The following EP300 variants were observed in gnomAD, a reference collection of about 807,000 sequenced individuals.
EP300 encodes the protein histone acetyltransferase p300.
Under a neutral mutation model 264.0 loss-of-function variants are expected in EP300, and 31 were observed. The ratio of observed to expected loss-of-function variants is 0.12; its 90% CI spans 0.09 to 0.16. EP300 has a LOEUF of 0.16. Ranked by LOEUF, EP300 falls within the 10% of genes least tolerant of loss-of-function variation. EP300 has a pLI of 1.00. For synonymous variants in EP300, 1,340 were observed against 1,045.4 expected, an observed-to-expected ratio of 1.28 and a Z score of -5.44; for missense variants, 2,766 against 3,052.9, an observed-to-expected ratio of 0.91 and a Z score of 2.21.
At chr22:41,138,779 G>A (rs1303313109) in intron 8 of EP300, among the ~76,000 whole-genome samples, 1 of 152,034 alleles carries the variant, frequency 6.6e-6, no homozygotes, top group Non-Finnish European at 1.5e-5. Context: ...TAATAGCAGG[G>A]TCGTCTTTAC....
chr22:41,140,316 T>C lies in EP300; in HGVS notation c.1878+59T>C, dbSNP rs9619943. 4,636 of 1,170,470 alleles carry C rather than the reference T, an allele frequency of 4.0e-3. 128 individuals carry two copies. The African/African-American group carries it at 0.062, about 16-fold the overall frequency. 72.5% of individuals were successfully genotyped at this position (1,170,470 alleles called of 1,614,324 possible). On this transcript the variant is annotated intron_variant, in intron 9 of 30. Coordinates refer to ENST00000263253, the MANE Select transcript of EP300 (RefSeq NM_001429.4). ...GATTGAACCTGTTGTGGTTATTTTA[T>C]TCCTCTTTAGCATGTACAAGTAGTA...
chr22:41,169,638 C>CT (rs759341076), intron 26 of EP300, 22 bp downstream of exon 26: 92 of 1,369,900 alleles, frequency 6.7e-5, no homozygotes, highest in South Asian at 1.2e-5. Flanking sequence ...TTGATAATGG[C>CT]TTTTTTTCTT....
chr22:41,125,708 T>C, intron 2 of EP300, 156 bp from the exon 3 acceptor site: 1 of 762,760 alleles, frequency 1.3e-6, no homozygotes, highest in Non-Finnish European at 2.1e-6. Context: ...AGAGATGGGG[T>C]TTTGTCACGT....
chr22:41,094,946 A>G (rs1249484157), intron 1 of EP300, among the ~76,000 whole-genome samples: 1 of 152,164 alleles, frequency 6.6e-6, no homozygotes, highest in African/African-American at 2.4e-5. Flanking sequence ...TCTTTGAATA[A>G]TTACAAGAGT....
At chr22:41,144,644 A>G (rs1188382285) in intron 10 of EP300, among the ~76,000 whole-genome samples, 4 of 151,892 alleles carry the variant, frequency 2.6e-5, no homozygotes, top group Non-Finnish European at 5.9e-5. Flanking sequence ...GGTGTGACCC[A>G]CTGCGCCCAG....
intron 22 of EP300, 60 bp from the exon 23 acceptor site, chr22:41,166,538 TG>T: frequency 7.4e-7 from 1 of 1,348,652 alleles, no homozygotes; most frequent in Non-Finnish European, 1.1e-6. Context: ...TTTAACTTTT[TG>T]TTAGTATAAA....
chr22:41,121,064 G>C (rs1404463004), intron 2 of EP300, among the ~76,000 whole-genome samples: 1 of 152,126 alleles, frequency 6.6e-6, no homozygotes, highest in Non-Finnish European at 1.5e-5. Flanking sequence ...ACCGCTTTGG[G>C]AGGCTGAGGC....
rs758726314 is a variant in EP300, at chr22:41,157,354, T to C, written c.3447T>C (p.Phe1149=). 4.3e-6 allele frequency: 7 copies of C among 1,613,998 alleles called. No individual in the cohort carries two copies. In the Admixed American group the frequency reaches 8.3e-5, roughly 19 times the overall value. Residue 1149 remains phenylalanine, a synonymous_variant, in exon 18 of 31, where the codon TTT becomes TTC. Coordinates refer to ENST00000263253, the MANE Select transcript of EP300 (RefSeq NM_001429.4). ...YKYCSKLSEV[F]EQEIDPVMQS... ...ACTGCTCCAAGCTCTCTGAGGTCTT[T>C]GAACAAGAAATTGACCCAGTGATGC... is the stretch of plus-strand genomic sequence containing the variant.
intron 1 of EP300, among the ~76,000 whole-genome samples, chr22:41,111,959 C>T (rs1192694929): frequency 1.5e-5 from 2 of 131,752 alleles, no homozygotes; most frequent in African/African-American, 2.7e-5. Context: ...GCGATGTCCA[C>T]TCACTGCAAG....
intron 8 of EP300, among the ~76,000 whole-genome samples, chr22:41,138,223 G>A (rs2058963196): frequency 1.3e-5 from 2 of 152,008 alleles, no homozygotes; most frequent in South Asian, 2.1e-4. Context: ...GAGTGCAGTG[G>A]CACGATCTTG....
chr22:41,104,109 T>TTTC (rs1426549629), intron 1 of EP300, among the ~76,000 whole-genome samples: 1 of 152,180 alleles, frequency 6.6e-6, no homozygotes, highest in East Asian at 1.9e-4. Context: ...AAAGGGTATG[T>TTTC]TTCTCCATCT....
chr22:41,097,837 G>A (rs113189304), intron 1 of EP300, among the ~76,000 whole-genome samples: 8 of 151,900 alleles, frequency 5.3e-5, no homozygotes, highest in African/African-American at 1.9e-4. Context: ...TGGGACTACA[G>A]GCGCCTGCCA....
At position 41,169,486 on chromosome 22, in the gene EP300, C is replaced by T. The variant is rs928863480; in HGVS notation, c.4173-17C>T. 1 of 1,529,918 alleles carries T rather than the reference C, an allele frequency of 6.5e-7. No homozygotes were observed. The highest frequency in any genetic ancestry group is 1.1e-5 in the South Asian group (1 of 89,300). 94.8% of individuals were successfully genotyped at this position (1,529,918 alleles called of 1,614,324 possible). On this transcript the variant is annotated splice_polypyrimidine_tract_variant and intron_variant, in intron 25 of 30. Coordinates refer to ENST00000263253, the MANE Select transcript of EP300 (RefSeq NM_001429.4). ...CTGACTTTTTTTTTCCTCTTCATTT[C>T]TCTTCATTTTGTATAGGAGAGTATA... is the stretch of plus-strand genomic sequence containing the variant.
chr22:41,096,879 A>G (rs1013777253), intron 1 of EP300, among the ~76,000 whole-genome samples: 2 of 152,100 alleles, frequency 1.3e-5, no homozygotes, highest in Non-Finnish European at 2.9e-5. Flanking sequence ...TCAGCCTCCC[A>G]AAGTGCTGGG....
Position 41,177,349 on chromosome 22 carries a change from C to T in EP300, c.5638C>T (p.Pro1880Ser). Residue 1880 changes from proline (P) to serine (S), a missense_variant, in exon 31 of 31, where the codon CCC (proline) becomes TCC (serine). Transcript: ENST00000263253. ...CACTTCTCAGCCTCAGCCTACCCCT[C>T]CCAATAGCATGCCACCCTACTTGCC... ...QPTSQPQPTP[P>S]NSMPPYLPRT... The T allele has an allele frequency of 1.2e-6, 2 of 1,614,060 alleles. No individual in the cohort carries two copies. Among genetic ancestry groups the T allele is most frequent in the Non-Finnish European group, 1.7e-6 (2 of 1,180,022 alleles).
intron 21 of EP300, among the ~76,000 whole-genome samples, chr22:41,163,417 A>T (rs1392533987): frequency 1.3e-4 from 16 of 122,844 alleles, no homozygotes; most frequent in Admixed American, 6.2e-4. Context: ...CCTGGGCGAC[A>T]GAGCGAGACT....
intron 2 of EP300, among the ~76,000 whole-genome samples, chr22:41,119,343 G>A (rs760560113): frequency 6.6e-6 from 1 of 151,712 alleles, no homozygotes; most frequent in Non-Finnish European, 1.5e-5. Context: ...TTAGATTGCC[G>A]TGTCAGTGTA....
chr22:41,117,467 A>G lies in EP300; in HGVS notation c.375A>G (p.Pro125=), dbSNP rs2058827723. Residue 125 remains proline (P), a synonymous_variant, in exon 2 of 31, where the codon CCA becomes CCG. Coordinates refer to ENST00000263253, the MANE Select transcript of EP300 (RefSeq NM_001429.4). The part of the protein sequence containing the change: ...LGLINSMVKS[P]MTQAGLTSPN... ...TGATAAATAGCATGGTCAAAAGCCC[A>G]ATGACACAGGCAGGCTTGACTTCTC... The G allele has an allele frequency of 1.2e-6, 2 of 1,613,784 alleles. No individual in the cohort carries two copies. The highest frequency in any genetic ancestry group is 1.7e-5 in the Admixed American group (1 of 59,992).
chr22:41,178,109 T>C lies in EP300; in HGVS notation c.6398T>C (p.Met2133Thr), dbSNP rs530630090. 21 of 1,613,894 alleles carry C rather than the reference T, an allele frequency of 1.3e-5. No individual in the cohort carries two copies. The highest frequency in any genetic ancestry group is 1.4e-5 in the Non-Finnish European group (17 of 1,179,952). ...GVHSNPAMQN[M>T]NPMQAGVQRA... is the part of the protein sequence containing the mutation. ...CACTCCAATCCAGCCATGCAGAACA[T>C]GAATCCAATGCAGGCGGGCGTTCAG... Residue 2133 changes from methionine to threonine, a missense_variant, in exon 31 of 31, where the codon ATG becomes ACG. Met to Thr is a moderately conservative substitution (Grantham distance 81). Transcript: ENST00000263253.
Sources: gnomAD v4.1 joint callset for allele counts (sites outside exome capture counted in the v4.1 genomes callset) on GRCh38, gnomAD v4.1.1 for gene constraint, MANE v1.5 for transcripts, NCBI Gene and HGNC (gene_info 2026-07-23, HGNC 2026-07-21) for gene names.